The following REDIC1 variants were observed in gnomAD, a reference collection of about 807,000 sequenced individuals.
REDIC1 encodes HEI10 Interacting Protein 1.
At chr12:39,727,599 A>G in the REDIC1 span, among the ~76,000 whole-genome samples, 1 of 152,044 alleles carries the variant, frequency 6.6e-6, no homozygotes, top group East Asian at 1.9e-4. Context: ...TGTCTTGGCT[A>G]TACGGGCTCT....
chr12:39,674,954 C>T, the REDIC1 span, among the ~76,000 whole-genome samples: 1 of 152,180 alleles, frequency 6.6e-6, no homozygotes, highest in African/African-American at 2.4e-5. Flanking sequence ...AAGCTGCAGC[C>T]AACAGTGTGG....
the REDIC1 span, among the ~76,000 whole-genome samples, chr12:39,870,369 C>T: frequency 0.61 from 93,348 of 151,982 alleles, 28,876 homozygotes; most frequent in East Asian, 0.76. Context: ...TTTAACACAT[C>T]ACTGCCTGAT....
At chr12:39,896,076 AC>A in the REDIC1 span, among the ~76,000 whole-genome samples, 1 of 15,212 alleles carries the variant, frequency 6.6e-5, no homozygotes, top group African/African-American at 1.9e-4. Flanking sequence ...ATATGTATAC[AC>A]GTGTACATAT....
At chr12:39,639,432 G>T in the REDIC1 span, among the ~76,000 whole-genome samples, 16 of 152,078 alleles carry the variant, frequency 1.1e-4, no homozygotes, top group Admixed American at 9.9e-4. Context: ...GTATATTAAA[G>T]AACATATTCA....
At chr12:39,657,782 C>T in the REDIC1 span, among the ~76,000 whole-genome samples, 2 of 152,032 alleles carry the variant, frequency 1.3e-5, no homozygotes, top group African/African-American at 4.8e-5. Flanking sequence ...TCTGATACAG[C>T]AATATCAATT....
chr12:39,635,039 A>G, the REDIC1 span, among the ~76,000 whole-genome samples: 1 of 152,250 alleles, frequency 6.6e-6, no homozygotes, highest in Non-Finnish European at 1.5e-5. Flanking sequence ...GACATATGCA[A>G]AAATGCTTAT....
chr12:39,895,121 A>G, the REDIC1 span, among the ~76,000 whole-genome samples: 3 of 152,082 alleles, frequency 2.0e-5, no homozygotes, highest in African/African-American at 7.2e-5. Flanking sequence ...GTCCCACCTC[A>G]GCCTCCCAAG....
chr12:39,638,372 A>T, the REDIC1 span, among the ~76,000 whole-genome samples: 1 of 152,012 alleles, frequency 6.6e-6, no homozygotes, highest in African/African-American at 2.4e-5. Flanking sequence ...AGTATCCAGT[A>T]TTCACCAGTG....
chr12:39,770,641 T>C, the REDIC1 span, among the ~76,000 whole-genome samples: 1 of 152,152 alleles, frequency 6.6e-6, no homozygotes, highest in Admixed American at 6.5e-5. Flanking sequence ...GCATAGAGCA[T>C]CTGCACACTC....
the REDIC1 span, chr12:39,626,332 G>T: frequency 1.9e-5 from 30 of 1,614,146 alleles, no homozygotes; most frequent in Non-Finnish European, 2.5e-5. Flanking sequence ...AAAAGATTTG[G>T]GAAGATGAAT....
chr12:39,829,220 T>TTATGCATGTAG, the REDIC1 span, among the ~76,000 whole-genome samples: 6 of 151,942 alleles, frequency 3.9e-5, no homozygotes, highest in Non-Finnish European at 7.4e-5. Flanking sequence ...AATATTTCAT[T>TTATGCATGTAG]TATGCATGTA....
the REDIC1 span, chr12:39,764,960 TAA>T: frequency 1.5e-6 from 2 of 1,304,498 alleles, no homozygotes; most frequent in Non-Finnish European, 2.1e-6. Context: ...CTTAATGTCT[TAA>T]GAGTCCAAAA....
chr12:39,775,306 G>GT, the REDIC1 span, among the ~76,000 whole-genome samples: 2 of 152,196 alleles, frequency 1.3e-5, no homozygotes, highest in African/African-American at 4.8e-5. Flanking sequence ...CTTAGGTAAC[G>GT]TAAGTTACTT....
chr12:39,726,132 T>C, the REDIC1 span, among the ~76,000 whole-genome samples: 1 of 152,030 alleles, frequency 6.6e-6, no homozygotes, highest in South Asian at 2.1e-4. Flanking sequence ...TGCCTCCTCC[T>C]CCTCCTCCTC....
the REDIC1 span, among the ~76,000 whole-genome samples, chr12:39,739,123 T>C: frequency 6.6e-6 from 1 of 152,212 alleles, no homozygotes; most frequent in Admixed American, 6.5e-5. Context: ...CTGCTTTTAC[T>C]TGGAATTAAT....
At chr12:39,662,665 A>G in the REDIC1 span, among the ~76,000 whole-genome samples, 1 of 152,060 alleles carries the variant, frequency 6.6e-6, no homozygotes, top group Non-Finnish European at 1.5e-5. Context: ...CTCCAATACC[A>G]TGTTGAATAG....
the REDIC1 span, chr12:39,646,268 C>G: frequency 4.0e-6 from 2 of 502,044 alleles, no homozygotes; most frequent in South Asian, 1.1e-4. Context: ...ATTTATTAAA[C>G]AGTACTTTTA....
chr12:39,788,195 T>C, the REDIC1 span, among the ~76,000 whole-genome samples: 1 of 152,150 alleles, frequency 6.6e-6, no homozygotes, highest in Non-Finnish European at 1.5e-5. Context: ...TGCTGTGTCA[T>C]TTTCCTACAT....
chr12:39,852,157 T>A, the REDIC1 span, among the ~76,000 whole-genome samples: 2 of 152,206 alleles, frequency 1.3e-5, no homozygotes, highest in Non-Finnish European at 2.9e-5. Flanking sequence ...ATAAAATAAC[T>A]AGCATGGTAA....
Sources: allele counts gnomAD v4.1 joint callset (sites outside exome capture counted in the v4.1 genomes callset), GRCh38; gene constraint gnomAD v4.1.1; transcripts MANE v1.5; gene names NCBI Gene and HGNC (gene_info 2026-07-23, HGNC 2026-07-21).